The following ADAMTS16 variants were observed in gnomAD, a reference collection of about 807,000 sequenced individuals.
ADAMTS16 encodes the protein ADAM metallopeptidase with thrombospondin type 1 motif 16, also known as A disintegrin and metalloproteinase with thrombospondin motifs 16.
In ADAMTS16, 94 loss-of-function variants were observed where a neutral mutation model predicts 145.8. That is an observed-to-expected ratio of 0.64 (90% CI 0.55 to 0.77). The LOEUF (loss-of-function observed/expected upper bound fraction) is 0.77. Ranked by LOEUF, ADAMTS16 falls within the 30% of genes least tolerant of loss-of-function variation. The pLI is 0.00. For missense variants in ADAMTS16, 1,585 were observed against 1,591.5 expected (o/e 1.00, Z 0.07); for synonymous variants, 659 against 604.3 (o/e 1.09, Z -1.33).
intron 18 of ADAMTS16, 73 bp from the exon 19 acceptor site, chr5:5,303,195 A>C: frequency 7.0e-7 from 1 of 1,428,314 alleles, no homozygotes; most frequent in Non-Finnish European, 9.3e-7. Context: ...CGCTGCCTCC[A>C]CATCAGATGT....
At chr5:5,229,228 G>A (rs748423510) in intron 11 of ADAMTS16, among the ~76,000 whole-genome samples, 37 of 149,980 alleles carry the variant, frequency 2.5e-4, no homozygotes, top group South Asian at 6.4e-4. Context: ...AACCCGGGAA[G>A]CGGAGCTTGC....
intron 17 of ADAMTS16, among the ~76,000 whole-genome samples, chr5:5,246,833 T>C (rs1481334982): frequency 6.6e-6 from 1 of 152,204 alleles, no homozygotes; most frequent in Non-Finnish European, 1.5e-5. Context: ...AGATGGTATA[T>C]ACTTGGCCCT....
In ADAMTS16 at chr5:5,269,115, T is replaced by G. The variant is rs1489639718; in HGVS notation, c.2789+6332T>G. On this transcript the variant is annotated intron_variant, in intron 18 of 22. Transcript: ENST00000274181. This position sits in a 1 kb window ranked among gnomAD's most constrained non-coding sequence, Gnocchi z 4.3. ...GCCTCTTGTCATGCAGCTCCTATGC[T>G]TCAAGATCCACACTGAAGTTGTCCT... 6.6e-6 allele frequency among the ~76,000 whole-genome samples: 1 copy of G among 151,082 alleles called. No individual in the cohort carries two copies. The highest frequency in any genetic ancestry group is 2.0e-4 in the East Asian group (1 of 5,074).
intron 3 of ADAMTS16, among the ~76,000 whole-genome samples, chr5:5,146,704 C>G (rs1327683691): frequency 6.6e-6 from 1 of 152,194 alleles, no homozygotes; most frequent in African/African-American, 2.4e-5. Context: ...AGCACTTCAG[C>G]TTGAAACTTG....
At chr5:5,266,902 T>C (rs1437817003) in intron 18 of ADAMTS16, among the ~76,000 whole-genome samples, 1 of 152,194 alleles carries the variant, frequency 6.6e-6, no homozygotes, top group Non-Finnish European at 1.5e-5. Flanking sequence ...ATTTCAGTAA[T>C]GGAAATCTAA....
At chr5:5,197,587 C>A (rs1043127077) in intron 8 of ADAMTS16, among the ~76,000 whole-genome samples, 3 of 152,136 alleles carry the variant, frequency 2.0e-5, no homozygotes, top group African/African-American at 7.2e-5. Flanking sequence ...GGGATGATAA[C>A]CATTTTAAAG....
chr5:5,286,893 T>A (rs1237021179), intron 18 of ADAMTS16, among the ~76,000 whole-genome samples: 5 of 140,568 alleles, frequency 3.6e-5, no homozygotes, highest in East Asian at 2.0e-4. Flanking sequence ...AGAGTTTTTA[T>A]AACCCTTTAG....
At chr5:5,318,566 C>G (rs1267305134) in intron 22 of ADAMTS16, among the ~76,000 whole-genome samples, 1 of 152,196 alleles carries the variant, frequency 6.6e-6, no homozygotes, top group Non-Finnish European at 1.5e-5. Context: ...AGCAGCTTTT[C>G]TCCCTAGGAT....
chr5:5,276,891 T>A (rs563558409), intron 18 of ADAMTS16, among the ~76,000 whole-genome samples: 1 of 152,260 alleles, frequency 6.6e-6, no homozygotes, highest in East Asian at 1.9e-4. Context: ...AAAAAAATCT[T>A]CATTAACCCT....
At chr5:5,206,142 T>A (rs1579309995) in intron 9 of ADAMTS16, among the ~76,000 whole-genome samples, 1 of 152,170 alleles carries the variant, frequency 6.6e-6, no homozygotes, top group South Asian at 2.1e-4. Context: ...AAGATCTGCC[T>A]TTGGCCGGGC....
intron 18 of ADAMTS16, among the ~76,000 whole-genome samples, chr5:5,288,027 CA>C (rs1351829904): frequency 3.5e-4 from 54 of 152,228 alleles, no homozygotes; most frequent in African/African-American, 1.3e-3. Flanking sequence ...AGTGAACATC[CA>C]AGAAACCCTG....
intron 21 of ADAMTS16, among the ~76,000 whole-genome samples, chr5:5,313,200 G>A (rs1301674351): frequency 6.6e-6 from 1 of 152,156 alleles, no homozygotes; most frequent in Non-Finnish European, 1.5e-5. Flanking sequence ...GGTGGTAATG[G>A]CTGAAAGGGC....
Position 5,222,959 on chromosome 5 carries a change from C to T in ADAMTS16, c.1701+75C>T, listed in dbSNP as rs190082246. 6.9e-4 allele frequency: 943 copies of T among 1,374,370 alleles called. 4 individuals carry two copies. The African/African-American group carries it at 0.012, about 18-fold the overall frequency. The allele number at this position is 1,374,370 out of a possible 1,614,324, so 85.1% of individuals were successfully genotyped here. On this transcript the variant is annotated intron_variant, in intron 11 of 22. Coordinates refer to ENST00000274181, the MANE Select transcript of ADAMTS16 (RefSeq NM_139056.4). ...AACCCATGCATCTTTGCTCCTCTTG[C>T]ATAGGTATTTTTAAAACATGTATTT...
At chr5:5,315,810 A>G (rs1368060920) in intron 21 of ADAMTS16, among the ~76,000 whole-genome samples, 2 of 152,044 alleles carry the variant, frequency 1.3e-5, no homozygotes, top group African/African-American at 4.8e-5. Context: ...TCAAACGTGA[A>G]TCTCCCCACA....
chr5:5,187,643 G>A, intron 5 of ADAMTS16, 82 bp from the exon 6 acceptor site: 1 of 858,600 alleles, frequency 1.2e-6, no homozygotes, highest in Non-Finnish European at 2.0e-6. Context: ...TGAAGAACAA[G>A]GGCGTTGGAT....
intron 3 of ADAMTS16, among the ~76,000 whole-genome samples, chr5:5,179,967 G>T (rs1465999286): frequency 2.0e-5 from 3 of 152,110 alleles, no homozygotes; most frequent in Admixed American, 2.0e-4. Flanking sequence ...TATTTTCCTT[G>T]AGAGTTGTGT....
At chr5:5,213,281 C>A (rs976273261) in intron 10 of ADAMTS16, among the ~76,000 whole-genome samples, 2 of 152,190 alleles carry the variant, frequency 1.3e-5, no homozygotes, top group Non-Finnish European at 2.9e-5. Flanking sequence ...TAAAGAACTT[C>A]CTTTAGCATT....
intron 9 of ADAMTS16, among the ~76,000 whole-genome samples, chr5:5,203,879 G>A (rs992442985): frequency 6.6e-6 from 1 of 152,130 alleles, no homozygotes; most frequent in Non-Finnish European, 1.5e-5. Flanking sequence ...TGTAAGCGGC[G>A]CCGTACCCCA....
intron 18 of ADAMTS16, among the ~76,000 whole-genome samples, chr5:5,297,019 A>C (rs551324657): frequency 6.6e-5 from 10 of 152,346 alleles, no homozygotes; most frequent in African/African-American, 4.8e-5. Context: ...TTTTGAGTAG[A>C]GCAGGAATGA....
Sources: allele counts gnomAD v4.1 joint callset (sites outside exome capture counted in the v4.1 genomes callset), GRCh38; gene constraint gnomAD v4.1.1; non-coding constraint Gnocchi (gnomAD v3.1); transcripts MANE v1.5; gene names NCBI Gene and HGNC (gene_info 2026-07-23, HGNC 2026-07-21).